Variants in ST6GAL1 observed in about 807,000 individuals in gnomAD.
The protein encoded by ST6GAL1 is ST6 beta-galactoside alpha-2,6-sialyltransferase 1, also known as beta-galactoside alpha-2,6-sialyltransferase 1.
In ST6GAL1, 20 loss-of-function variants were observed where a neutral mutation model predicts 38.0. The observed-to-expected ratio is 0.53, with a 90% CI of 0.37 to 0.77. The LOEUF (loss-of-function observed/expected upper bound fraction) is 0.77. Among genes scored for constraint, ST6GAL1 ranks in the 30% least tolerant of loss-of-function variants. The probability of loss-of-function intolerance (pLI) is 0.00; values close to 1 mark genes in which losing one functional copy is unlikely to be tolerated. For synonymous variants in ST6GAL1, 196 were observed against 188.2 expected (o/e 1.04, Z -0.34); for missense variants, 432 against 496.4 (o/e 0.87, Z 1.23).
chr3:187,045,302 T>TG (rs397776390), intron 4 of ST6GAL1, among the ~76,000 whole-genome samples: 13 of 152,140 alleles, frequency 8.5e-5, no homozygotes, highest in African/African-American at 3.1e-4. Context: ...TTTTTTTTTT[T>TG]GTCCATAGCA....
intron 2 of ST6GAL1, among the ~76,000 whole-genome samples, chr3:187,011,002 C>T (rs888921358): frequency 2.6e-5 from 4 of 152,278 alleles, no homozygotes; most frequent in Admixed American, 2.0e-4. Flanking sequence ...GTCTCTTGGC[C>T]GCCGGCTAAA....
At chr3:187,021,109 G>GCC (rs1166883257) in intron 2 of ST6GAL1, among the ~76,000 whole-genome samples, 3 of 152,010 alleles carry the variant, frequency 2.0e-5, no homozygotes, top group East Asian at 1.9e-4. Flanking sequence ...GATTACAGGA[G>GCC]CATGCCACCA....
intron 5 of ST6GAL1, among the ~76,000 whole-genome samples, chr3:187,066,023 G>A (rs1483791651): frequency 2.0e-5 from 3 of 152,088 alleles, no homozygotes; most frequent in African/African-American, 7.2e-5. Context: ...CTTTCTGGAA[G>A]CTCCAACTTT....
At chr3:187,066,861 T>G (rs756168405) in intron 5 of ST6GAL1, among the ~76,000 whole-genome samples, 3 of 151,930 alleles carry the variant, frequency 2.0e-5, no homozygotes, top group Non-Finnish European at 2.9e-5. Flanking sequence ...CCCCTGCAGG[T>G]AAGTACAGGC....
intron 2 of ST6GAL1, among the ~76,000 whole-genome samples, chr3:186,994,535 A>G (rs928100300): frequency 5.3e-4 from 80 of 152,090 alleles, no homozygotes; most frequent in Admixed American, 4.5e-3. Flanking sequence ...TTGTTTGTTT[A>G]ACTTTCATTT....
intron 1 of ST6GAL1, among the ~76,000 whole-genome samples, chr3:186,948,188 G>C (rs1714443830): frequency 6.6e-6 from 1 of 152,202 alleles, no homozygotes; most frequent in Admixed American, 6.5e-5. Flanking sequence ...GGCTGTTCCA[G>C]ACGTGCCAAG....
At chr3:186,936,463 G>A (rs1216780719) in intron 1 of ST6GAL1, among the ~76,000 whole-genome samples, 1 of 152,082 alleles carries the variant, frequency 6.6e-6, no homozygotes, top group East Asian at 1.9e-4. Flanking sequence ...AAAACTATAC[G>A]ATGGCAGTCT....
At chr3:187,031,822 C>A (rs1717763692) in intron 2 of ST6GAL1, among the ~76,000 whole-genome samples, 1 of 152,154 alleles carries the variant, frequency 6.6e-6, no homozygotes, top group South Asian at 2.1e-4. Flanking sequence ...ATAAAGATGT[C>A]TTAAATCTTG....
intron 1 of ST6GAL1, among the ~76,000 whole-genome samples, chr3:186,939,332 C>T (rs928930477): frequency 6.6e-6 from 1 of 152,118 alleles, no homozygotes; most frequent in East Asian, 1.9e-4. Flanking sequence ...CTTGGCCTCC[C>T]AAAGTGCTGG....
intron 5 of ST6GAL1, among the ~76,000 whole-genome samples, chr3:187,058,617 G>T (rs1718803660): frequency 7.2e-6 from 1 of 138,764 alleles, no homozygotes; most frequent in Non-Finnish European, 1.5e-5. Context: ...TTATATTTTG[G>T]CTTTTGGTAT....
intron 4 of ST6GAL1, among the ~76,000 whole-genome samples, chr3:187,045,852 C>T (rs1025048545): frequency 1.3e-5 from 2 of 152,178 alleles, no homozygotes; most frequent in African/African-American, 4.8e-5. Context: ...AGGCAAGAAG[C>T]AAAGGCTGCA....
chr3:186,997,467 T>C (rs1716456508), intron 2 of ST6GAL1, among the ~76,000 whole-genome samples: 1 of 152,092 alleles, frequency 6.6e-6, no homozygotes, highest in Admixed American at 6.6e-5. Flanking sequence ...AGCCTAAAGA[T>C]TAAGGGTTTT....
chr3:187,027,301 T>C (rs1201817200), intron 2 of ST6GAL1, among the ~76,000 whole-genome samples: 1 of 152,162 alleles, frequency 6.6e-6, no homozygotes, highest in Non-Finnish European at 1.5e-5. Flanking sequence ...CAGATCTCAC[T>C]TTCAGTAGCA....
At chr3:187,032,166 T>A (rs1360826539) in intron 2 of ST6GAL1, among the ~76,000 whole-genome samples, 1 of 152,220 alleles carries the variant, frequency 6.6e-6, no homozygotes, top group Non-Finnish European at 1.5e-5. Context: ...TTCAATTGGT[T>A]GATTTTTGAA....
chr3:186,976,532 C>T (rs930905704), intron 2 of ST6GAL1, among the ~76,000 whole-genome samples: 2 of 152,150 alleles, frequency 1.3e-5, no homozygotes, highest in South Asian at 2.1e-4. Flanking sequence ...CGGGTTCAAG[C>T]GCTTCTCCTG....
At chr3:187,071,776 C>CAAAAAAA (rs11330261) in intron 5 of ST6GAL1, among the ~76,000 whole-genome samples, 64 of 72,248 alleles carry the variant, frequency 8.9e-4, no homozygotes, top group African/African-American at 2.2e-3. Flanking sequence ...GACTCCGCCT[C>CAAAAAAA]AAAAAAAAAA....
At chr3:187,020,654 A>T (rs1717265933) in intron 2 of ST6GAL1, among the ~76,000 whole-genome samples, 1 of 152,240 alleles carries the variant, frequency 6.6e-6, no homozygotes, top group Non-Finnish European at 1.5e-5. Flanking sequence ...TTTCTCAGAA[A>T]TCTGCATGGT....
intron 1 of ST6GAL1, among the ~76,000 whole-genome samples, chr3:186,947,152 C>T (rs1249148662): frequency 6.6e-6 from 1 of 152,108 alleles, no homozygotes; most frequent in African/African-American, 2.4e-5. Flanking sequence ...GCTGTTAATA[C>T]AGTGTGCACA....
At chr3:186,967,380 C>T (rs1325220292) in intron 2 of ST6GAL1, among the ~76,000 whole-genome samples, 2 of 152,140 alleles carry the variant, frequency 1.3e-5, no homozygotes, top group African/African-American at 2.4e-5. Flanking sequence ...TTAGTAGAGA[C>T]GGGGTTTTGC....
Sources: gnomAD v4.1 joint callset for allele counts (sites outside exome capture counted in the v4.1 genomes callset) on GRCh38, gnomAD v4.1.1 for gene constraint, MANE v1.5 for transcripts, NCBI Gene and HGNC (gene_info 2026-07-23, HGNC 2026-07-21) for gene names.